Variants in GLRA1 observed in about 807,000 individuals in gnomAD.
GLRA1 encodes glycine receptor subunit alpha-1.
Under a neutral mutation model 48.3 loss-of-function variants are expected in GLRA1, and 37 were observed. The ratio of observed to expected loss-of-function variants is 0.77; its 90% CI spans 0.59 to 1.01. GLRA1 has a LOEUF of 1.01. Among genes scored for constraint, GLRA1 ranks in the 50% least tolerant of loss-of-function variants. The pLI is 0.00. For synonymous variants in GLRA1, 196 were observed against 210.7 expected, an observed-to-expected ratio of 0.93 and a Z score of 0.60; for missense variants, 427 against 571.0, an observed-to-expected ratio of 0.75 and a Z score of 2.57.
At chr5:151,863,764 A>G (rs1479542479) in intron 3 of GLRA1, among the ~76,000 whole-genome samples, 4 of 152,170 alleles carry the variant, frequency 2.6e-5, no homozygotes, top group Non-Finnish European at 4.4e-5. Flanking sequence ...TGTTATCAGC[A>G]GGGATAAACT....
At chr5:151,900,114 G>A (rs139024521) in intron 1 of GLRA1, among the ~76,000 whole-genome samples, 8 of 152,218 alleles carry the variant, frequency 5.3e-5, no homozygotes, top group African/African-American at 1.7e-4. Flanking sequence ...TAACTCTCCT[G>A]CCTTATCGTA....
At chr5:151,873,209 G>T (rs1425609338) in intron 3 of GLRA1, among the ~76,000 whole-genome samples, 1 of 149,578 alleles carries the variant, frequency 6.7e-6, no homozygotes, top group Non-Finnish European at 1.5e-5. Context: ...AGGTGGAATG[G>T]GTAGAAATGG....
At chr5:151,851,645 A>G (rs758494031) in intron 6 of GLRA1, 41 bp from the exon 7 acceptor site, 2 of 1,350,804 alleles carry the variant, frequency 1.5e-6, no homozygotes, top group Non-Finnish European at 2.1e-6. Flanking sequence ...AGCCTGGTGA[A>G]TAGGACAAAA....
intron 3 of GLRA1, among the ~76,000 whole-genome samples, chr5:151,871,811 G>A (rs2113379641): frequency 6.7e-6 from 1 of 149,766 alleles, no homozygotes; most frequent in South Asian, 2.1e-4. Flanking sequence ...TGATCTGCCT[G>A]CCTCGGCCTC....
intron 2 of GLRA1, among the ~76,000 whole-genome samples, chr5:151,892,094 C>T (rs1754091960): frequency 1.3e-5 from 2 of 152,136 alleles, no homozygotes. Flanking sequence ...TTTTGGACTC[C>T]TGGAAACCAG....
chr5:151,892,913 A>G (rs1417324845), intron 1 of GLRA1, among the ~76,000 whole-genome samples: 1 of 152,190 alleles, frequency 6.6e-6, no homozygotes, highest in Non-Finnish European at 1.5e-5. Flanking sequence ...AAAGTTGCTA[A>G]AGTCAGATGC....
At position 151,924,651 on chromosome 5, in the gene GLRA1, G is replaced by A. The variant is rs193282890; in HGVS notation, c.-102C>T. 1.2e-6 allele frequency: 1 copy of A among 805,858 alleles called. No homozygotes were observed. The highest frequency in any genetic ancestry group is 2.4e-5 in the East Asian group (1 of 41,100). The allele number at this position is 805,858 out of a possible 1,614,324, so 49.9% of individuals were successfully genotyped here. ...AAGCGCTATTGCAAAAAATAATCCA[G>A]ATGTTAAAGGGAGGCGGGGAACAGG... On this transcript the variant is annotated 5_prime_UTR_variant, in exon 1 of 9. Transcript: ENST00000274576.
At position 151,822,980 on chromosome 5, in the gene GLRA1, A is replaced by G. The variant is rs1763181103; in HGVS notation, c.1060-17T>C. The G allele has an allele frequency of 6.3e-7, 1 of 1,582,568 alleles. No individual in the cohort carries two copies. Among genetic ancestry groups the G allele is most frequent in the Non-Finnish European group, 8.6e-7 (1 of 1,163,582 alleles). On this transcript the variant is annotated splice_polypyrimidine_tract_variant and intron_variant, in intron 8 of 8. Transcript: ENST00000274576. ...TTCATCCTCCTGGAATAGATTCAAC[A>G]TGGGGCTCTACTTAAAATAAGACAG...
Position 151,822,857 on chromosome 5 carries a change from T to C in GLRA1, c.1166A>G (p.Asn389Ser). ...GISVKGANNS[N>S]TTNPPPAPSK... ...TGGTGCAGGAGGGGGGTTGGTGGTG[T>C]TACTGTTGTTGGCGCCCTTGACTGA... The change falls in exon 9 of 9, where the codon AAC (asparagine) becomes AGC (serine). Residue 389 changes from asparagine (N) to serine (S), a missense_variant. Physicochemically the swap from Asn to Ser is conservative, Grantham distance 46. Transcript: ENST00000274576. 1 of 1,614,078 alleles carries C rather than the reference T, an allele frequency of 6.2e-7. No homozygotes were observed. The highest frequency in any genetic ancestry group is 8.5e-7 in the Non-Finnish European group (1 of 1,179,980).
chr5:151,873,396 C>T lies in GLRA1; in HGVS notation c.252+13325G>A, dbSNP rs11953387. Among the ~76,000 whole-genome samples the T allele has an allele frequency of 2.7e-3, 399 of 149,572 alleles. 57 individuals carry two copies. Among genetic ancestry groups the T allele is most frequent in the African/African-American group, 9.7e-3 (378 of 38,996 alleles). On this transcript the variant is annotated intron_variant, in intron 3 of 8. Transcript: ENST00000274576. ...TACCTTACAGCCAGGCGCGGTGGCT[C>T]ATGCCTATAATCCCAGCACTTTGGG...
At chr5:151,854,139 G>A (rs1235580735) in intron 6 of GLRA1, among the ~76,000 whole-genome samples, 2 of 152,222 alleles carry the variant, frequency 1.3e-5, no homozygotes, top group African/African-American at 4.8e-5. Context: ...GGGAGTCATT[G>A]CTTTCATGGC....
At chr5:151,838,577 A>G (rs923484636) in intron 7 of GLRA1, among the ~76,000 whole-genome samples, 24 of 152,322 alleles carry the variant, frequency 1.6e-4, no homozygotes, top group South Asian at 4.1e-4. Context: ...TTAAGAAGAC[A>G]GAAGAATCAG....
intron 6 of GLRA1, among the ~76,000 whole-genome samples, chr5:151,853,422 T>TTG (rs1752958283): frequency 6.6e-6 from 1 of 151,220 alleles, no homozygotes; most frequent in East Asian, 1.9e-4. Flanking sequence ...ATTTTTTTTT[T>TTG]TTTTTGTATT....
At chr5:151,913,526 G>T (rs55719946) in intron 1 of GLRA1, among the ~76,000 whole-genome samples, 5 of 152,230 alleles carry the variant, frequency 3.3e-5, no homozygotes, top group Non-Finnish European at 7.4e-5. Context: ...TGAGAGTTTC[G>T]TATTATGTTA....
At chr5:151,873,084 AG>A (rs1753528433) in intron 3 of GLRA1, among the ~76,000 whole-genome samples, 1 of 149,746 alleles carries the variant, frequency 6.7e-6, no homozygotes, top group Admixed American at 6.6e-5. Context: ...TAATTACAAA[AG>A]CTTGTTTTCA....
intron 7 of GLRA1, among the ~76,000 whole-genome samples, chr5:151,835,027 C>CAAA (rs60718344): frequency 1.4e-3 from 74 of 52,484 alleles, no homozygotes; most frequent in South Asian, 3.3e-3. Context: ...GACAACATCT[C>CAAA]AAAAAAAAAA....
chr5:151,849,452 TTTCC>T (rs1377147013), intron 7 of GLRA1, among the ~76,000 whole-genome samples: 726 of 15,624 alleles, frequency 0.046, 79 homozygotes, highest in East Asian at 0.13. Flanking sequence ...TTTCCTTTCC[TTTCC>T]TTCCTTCCTT....
At chr5:151,850,629 G>A (rs190930684) in intron 7 of GLRA1, 33 of 1,467,904 alleles carry the variant, frequency 2.2e-5, no homozygotes, top group Admixed American at 2.2e-4. Context: ...GTAGCCAATC[G>A]TAGTGCCAAC....
chr5:151,900,440 T>C (rs1170221020), intron 1 of GLRA1, among the ~76,000 whole-genome samples: 1 of 152,244 alleles, frequency 6.6e-6, no homozygotes, highest in Admixed American at 6.5e-5. Context: ...TTTTCTTGTT[T>C]GGTGGCAAGA....
Sources: allele counts gnomAD v4.1 joint callset (sites outside exome capture counted in the v4.1 genomes callset), GRCh38; gene constraint gnomAD v4.1.1; transcripts MANE v1.5; gene names NCBI Gene and HGNC (gene_info 2026-07-23, HGNC 2026-07-21).